The following UTRN variants were observed in gnomAD, a reference collection of about 807,000 sequenced individuals.
UTRN encodes the protein utrophin.
A neutral mutation model predicts 463.9 loss-of-function variants in UTRN; 283 were observed. That is an observed-to-expected ratio of 0.61 (90% confidence interval 0.55 to 0.67). The LOEUF is 0.67. Among genes scored for constraint, UTRN ranks in the 30% least tolerant of loss-of-function variants. The probability of loss-of-function intolerance (pLI) is 0.00; values close to 1 mark genes in which losing one functional copy is unlikely to be tolerated. For missense variants in UTRN, 3,922 were observed against 4,084.3 expected, an observed-to-expected ratio of 0.96 and a Z score of 1.08; for synonymous variants, 1,442 against 1,431.5, an observed-to-expected ratio of 1.01 and a Z score of -0.17.
At chr6:144,663,034 C>T (rs1261588351) in intron 51 of UTRN, among the ~76,000 whole-genome samples, 4 of 152,090 alleles carry the variant, frequency 2.6e-5, no homozygotes, top group Non-Finnish European at 5.9e-5. Context: ...CAATTTCTTA[C>T]ATTGGGTACT....
chr6:144,725,494 TATA>T (rs1158319379), intron 53 of UTRN, among the ~76,000 whole-genome samples: 1 of 152,200 alleles, frequency 6.6e-6, no homozygotes, highest in Non-Finnish European at 1.5e-5. Context: ...TGAATGAAAA[TATA>T]AACTCATTAA....
intron 52 of UTRN, among the ~76,000 whole-genome samples, chr6:144,699,383 T>G (rs1784332422): frequency 6.7e-6 from 1 of 148,496 alleles, no homozygotes; most frequent in Non-Finnish European, 1.5e-5. Flanking sequence ...GAGGTCGCAG[T>G]GAGCCGAGAT....
At chr6:144,697,558 T>C (rs963063470) in intron 52 of UTRN, among the ~76,000 whole-genome samples, 3 of 152,154 alleles carry the variant, frequency 2.0e-5, no homozygotes, top group African/African-American at 7.2e-5. Flanking sequence ...AGTAATCCAC[T>C]AAACACATAG....
chr6:144,365,753 T>C (rs1779449002), intron 2 of UTRN, among the ~76,000 whole-genome samples: 1 of 152,240 alleles, frequency 6.6e-6, no homozygotes, highest in Admixed American at 6.5e-5. Flanking sequence ...TTTATTTTTT[T>C]CTGAGACTGA....
chr6:144,389,580 C>T (rs893452637), intron 2 of UTRN, among the ~76,000 whole-genome samples: 1 of 151,882 alleles, frequency 6.6e-6, no homozygotes, highest in African/African-American at 2.4e-5. Context: ...TTTGCACATC[C>T]CTTTCTCCTT....
chr6:144,751,929 A>C lies in UTRN; in HGVS notation c.8332A>C (p.Asn2778His). 6.2e-7 allele frequency: 1 copy of C among 1,609,966 alleles called. No homozygotes were observed. The highest frequency in any genetic ancestry group is 8.5e-7 in the Non-Finnish European group (1 of 1,178,302). ...GATGTCTCGCCAGCTAGATGACCTTAATATGCGATGGAAACTTTTACAGGT... is the reference window on the plus strand; with the variant it reads ...GATGTCTCGCCAGCTAGATGACCTTCATATGCGATGGAAACTTTTACAGGT... ...LKMSRQLDDL[N>H]MRWKLLQVSV... Residue 2778 changes from asparagine to histidine, a missense_variant, in exon 56 of 75, where the codon AAT (asparagine) becomes CAT (histidine). Transcript: ENST00000367545.
At chr6:144,291,041 T>C (rs532216036) in intron 1 of UTRN, among the ~76,000 whole-genome samples, 1 of 152,170 alleles carries the variant, frequency 6.6e-6, no homozygotes, top group East Asian at 1.9e-4. Context: ...CCCAAAGTGC[T>C]GGGATTACAG....
At chr6:144,632,926 G>T (rs1037059242) in intron 51 of UTRN, among the ~76,000 whole-genome samples, 7 of 151,814 alleles carry the variant, frequency 4.6e-5, no homozygotes, top group Non-Finnish European at 7.4e-5. Flanking sequence ...TCTCCATGTT[G>T]GTCAGGCTGG....
At chr6:144,726,307 G>A (rs1010075329) in intron 53 of UTRN, among the ~76,000 whole-genome samples, 3 of 152,146 alleles carry the variant, frequency 2.0e-5, no homozygotes, top group South Asian at 2.1e-4. Context: ...CGCTCTCTGA[G>A]TACTGAAGTT....
At chr6:144,658,454 C>T (rs180761898) in intron 51 of UTRN, among the ~76,000 whole-genome samples, 29 of 152,266 alleles carry the variant, frequency 1.9e-4, no homozygotes, top group East Asian at 1.4e-3. Flanking sequence ...GAATCTCTTA[C>T]GACCCATGAT....
rs374332285 is a variant in UTRN at position 144,548,888 on chromosome 6, C to T, written c.6810+34C>T. 91 of 1,602,646 alleles carry T rather than the reference C, an allele frequency of 5.7e-5. No homozygotes were observed. The African/African-American group carries it at 9.1e-4, about 16-fold the overall frequency. On this transcript the variant is annotated intron_variant, in intron 47 of 74. Coordinates refer to ENST00000367545, the MANE Select transcript of UTRN (RefSeq NM_007124.3). ...ATAGTGTAAAAGCTTGTCATGGAAA[C>T]GCCACAACCCAGAGGTAGACCAGAT...
In UTRN at chr6:144,482,411, G is replaced by GTTGTTATTATTATTATTA. The variant is rs780469923; in HGVS notation, c.3687+25_3687+26insGTTATTATTATTATTATT. On this transcript the variant is annotated intron_variant, in intron 27 of 74. Transcript: ENST00000367545. Reference sequence around the variant, plus strand: ...GAGGTATGCTATTATTATTATTGTTGTTATTATTATTATTATTATTATTAT... The same window carrying GTTGTTATTATTATTATTA: ...GAGGTATGCTATTATTATTATTGTTGTTGTTATTATTATTATTATTATTATTATTATTATTATTATTAT... 670 of 1,002,602 alleles carry GTTGTTATTATTATTATTA rather than the reference G, an allele frequency of 6.7e-4. 5 individuals carry two copies. The African/African-American group carries it at 0.012, about 18-fold the overall frequency. The allele number at this position is 1,002,602 out of a possible 1,614,324, so 62.1% of individuals were successfully genotyped here.
At chr6:144,461,889 ATGTTTTGTTT>A (rs532252237) in intron 22 of UTRN, among the ~76,000 whole-genome samples, 1 of 151,944 alleles carries the variant, frequency 6.6e-6, no homozygotes, top group African/African-American at 2.4e-5. Context: ...TGAGTTTTTC[ATGTTTTGTTT>A]TGTTTTGTTT....
At chr6:144,675,731 C>T (rs564239517) in intron 51 of UTRN, among the ~76,000 whole-genome samples, 1 of 152,150 alleles carries the variant, frequency 6.6e-6, no homozygotes, top group Non-Finnish European at 1.5e-5. Context: ...CTTATGCTGT[C>T]TTGTGGCATT....
In UTRN at chr6:144,716,562, T is replaced by C. The variant is rs567436722; in HGVS notation, c.7810-13795T>C. Among the ~76,000 whole-genome samples the C allele has an allele frequency of 7.9e-5, 12 of 152,338 alleles. No individual in the cohort carries two copies. In the South Asian group the frequency reaches 2.3e-3, roughly 29 times the overall value. On this transcript the variant is annotated intron_variant, in intron 53 of 74. Coordinates refer to ENST00000367545, the MANE Select transcript of UTRN (RefSeq NM_007124.3). ...TCTTTGAAAGCAGTAATTTATTCAATGCTAAATGAGCTCAATTCTAGTGGG... is the reference window on the plus strand; with the variant it reads ...TCTTTGAAAGCAGTAATTTATTCAACGCTAAATGAGCTCAATTCTAGTGGG...
intron 3 of UTRN, among the ~76,000 whole-genome samples, chr6:144,418,218 CTT>C (rs36107882): frequency 2.1e-5 from 3 of 139,572 alleles, no homozygotes; most frequent in Admixed American, 7.2e-5. Context: ...ATTTATATTT[CTT>C]TTTTTTTTTT....
At chr6:144,687,476 T>C (rs1782887718) in intron 52 of UTRN, among the ~76,000 whole-genome samples, 1 of 152,158 alleles carries the variant, frequency 6.6e-6, no homozygotes, top group African/African-American at 2.4e-5. Flanking sequence ...TATTATATAA[T>C]AATGAAATAA....
At chr6:144,685,440 T>C (rs957234741) in intron 52 of UTRN, among the ~76,000 whole-genome samples, 2 of 152,170 alleles carry the variant, frequency 1.3e-5, no homozygotes, top group Non-Finnish European at 2.9e-5. Flanking sequence ...TTTTAGTTCT[T>C]TGAGGAATCT....
intron 51 of UTRN, among the ~76,000 whole-genome samples, chr6:144,647,435 G>A (rs771235650): frequency 3.3e-5 from 5 of 152,170 alleles, no homozygotes; most frequent in African/African-American, 4.8e-5. Context: ...GATCACAGGC[G>A]CATCAAGGAG....
Sources: allele counts gnomAD v4.1 joint callset (sites outside exome capture counted in the v4.1 genomes callset), GRCh38; gene constraint gnomAD v4.1.1; transcripts MANE v1.5; gene names NCBI Gene and HGNC (gene_info 2026-07-23, HGNC 2026-07-21).